Variants in PLCB1 observed in about 807,000 individuals in gnomAD.
PLCB1 encodes phospholipase C beta 1, also known as 1-phosphatidylinositol 4,5-bisphosphate phosphodiesterase beta-1.
Under a neutral mutation model 161.8 loss-of-function variants are expected in PLCB1, and 46 were observed. The observed-to-expected ratio is 0.28, with a 90% CI of 0.22 to 0.36. The LOEUF is 0.36. Ranked by LOEUF, PLCB1 falls within the 10% of genes least tolerant of loss-of-function variation. The pLI, the probability that PLCB1 is intolerant of heterozygous loss-of-function variation, is 1.00. For synonymous variants in PLCB1, 517 were observed against 503.7 expected (o/e 1.03, Z -0.35); for missense variants, 1,016 against 1,472.5 (o/e 0.69, Z 5.07).
At chr20:8,601,891 GT>G (rs1482772955) in intron 3 of PLCB1, among the ~76,000 whole-genome samples, 4 of 152,198 alleles carry the variant, frequency 2.6e-5, no homozygotes, top group Admixed American at 6.5e-5. Context: ...GACCAGGCTT[GT>G]TCTGGAAGTG....
chr20:8,618,078 T>C (rs908162969), intron 3 of PLCB1, among the ~76,000 whole-genome samples: 2 of 152,196 alleles, frequency 1.3e-5, no homozygotes, highest in African/African-American at 2.4e-5. Context: ...CTTAGGAAGA[T>C]GCAAGAACAC....
At chr20:8,371,073 G>A (rs940363528) in intron 2 of PLCB1, 2 of 280,294 alleles carry the variant, frequency 7.1e-6, no homozygotes, top group African/African-American at 4.4e-5. Context: ...GTGACTCCCA[G>A]GATTATATTC....
chr20:8,577,058 T>G (rs1202513092), intron 3 of PLCB1, among the ~76,000 whole-genome samples: 1 of 152,132 alleles, frequency 6.6e-6, no homozygotes, highest in Non-Finnish European at 1.5e-5. Flanking sequence ...AATGTGAGTT[T>G]GACGACAAGT....
At chr20:8,544,028 G>T (rs535069106) in intron 3 of PLCB1, among the ~76,000 whole-genome samples, 1 of 152,112 alleles carries the variant, frequency 6.6e-6, no homozygotes, top group African/African-American at 2.4e-5. Context: ...AACTTAAATT[G>T]TGTAAAAGAA....
At chr20:8,543,747 A>G (rs986135309) in intron 3 of PLCB1, among the ~76,000 whole-genome samples, 1 of 151,976 alleles carries the variant, frequency 6.6e-6, no homozygotes, top group Non-Finnish European at 1.5e-5. Context: ...TGGTGATTAG[A>G]TTATGGGGGC....
At chr20:8,213,649 A>G (rs1978951691) in intron 2 of PLCB1, among the ~76,000 whole-genome samples, 2 of 152,044 alleles carry the variant, frequency 1.3e-5, no homozygotes, top group Non-Finnish European at 2.9e-5. Flanking sequence ...CCAATGAAGA[A>G]TTTAAGCAAG....
chr20:8,681,119 T>TATATATATATATATATATATAA lies in PLCB1; in HGVS notation c.863-3812_863-3811insTATATATATATATATATATAAA, dbSNP rs1485697576. The stretch of plus-strand genomic sequence containing the variant: ...ATATATATATATATATATATATATA[T>TATATATATATATATATATATAA]AATATATATAAAATCAGTGTCTCAT... On this transcript the variant is annotated intron_variant, in intron 9 of 31. Coordinates refer to ENST00000338037, the MANE Select transcript of PLCB1 (RefSeq NM_015192.4). Among the ~76,000 whole-genome samples, 70 of 81,994 alleles carry TATATATATATATATATATATAA rather than the reference T, an allele frequency of 8.5e-4. 1 individual carries two copies. Among genetic ancestry groups the TATATATATATATATATATATAA allele is most frequent in the South Asian group, 2.0e-3 (5 of 2,560 alleles). The allele number at this position is 81,994 out of a possible 152,430, so 53.8% of individuals were successfully genotyped here. A position where few individuals can be genotyped will look rare whatever the true frequency, so the allele number is the denominator to read the frequency against.
chr20:8,402,911 T>G (rs1978627046), intron 3 of PLCB1, among the ~76,000 whole-genome samples: 1 of 152,178 alleles, frequency 6.6e-6, no homozygotes, highest in Non-Finnish European at 1.5e-5. Context: ...TCATACTCTC[T>G]GTAACAATTA....
chr20:8,844,196 G>T (rs900282841), intron 31 of PLCB1, among the ~76,000 whole-genome samples: 3 of 152,184 alleles, frequency 2.0e-5, no homozygotes, highest in African/African-American at 7.2e-5. Flanking sequence ...AGGAGAAAAC[G>T]TCAGCTCTCA....
At chr20:8,846,506 G>A (rs34784433) in intron 31 of PLCB1, among the ~76,000 whole-genome samples, 18,597 of 152,002 alleles carry the variant, frequency 0.12, 1,395 homozygotes, top group South Asian at 0.23. Flanking sequence ...TAATAGAGTA[G>A]GTCTAGGTGC....
At chr20:8,628,560 C>G in intron 4 of PLCB1, 129 bp downstream of exon 4, 1 of 884,332 alleles carries the variant, frequency 1.1e-6, no homozygotes, top group Non-Finnish European at 1.8e-6. Flanking sequence ...AAAAATAATT[C>G]AGCTGCCAAG....
At chr20:8,872,893 C>T (rs1006575089) in intron 31 of PLCB1, among the ~76,000 whole-genome samples, 5 of 152,124 alleles carry the variant, frequency 3.3e-5, no homozygotes, top group Admixed American at 1.3e-4. Flanking sequence ...TCTCCTCGCC[C>T]CGCAAAATGG....
intron 16 of PLCB1, among the ~76,000 whole-genome samples, chr20:8,725,625 T>C (rs982229478): frequency 6.6e-6 from 1 of 152,200 alleles, no homozygotes; most frequent in African/African-American, 2.4e-5. Flanking sequence ...AGTTTATATA[T>C]AATGATTTCT....
intron 3 of PLCB1, among the ~76,000 whole-genome samples, chr20:8,617,584 G>C (rs1199115841): frequency 6.6e-6 from 1 of 151,758 alleles, no homozygotes; most frequent in Non-Finnish European, 1.5e-5. Flanking sequence ...TGGGTTTTTT[G>C]GTTTTGTTAT....
At chr20:8,869,045 T>G (rs1390134945) in intron 31 of PLCB1, among the ~76,000 whole-genome samples, 1 of 152,244 alleles carries the variant, frequency 6.6e-6, no homozygotes, top group African/African-American at 2.4e-5. Context: ...ATGTGCTGAA[T>G]GTTTATTCTC....
chr20:8,776,930 A>G (rs76392363), intron 27 of PLCB1, among the ~76,000 whole-genome samples: 1,545 of 152,248 alleles, frequency 0.01, 6 homozygotes, highest in Middle Eastern at 0.034. Flanking sequence ...GGCGATTTTA[A>G]ATAGAGTAGG....
intron 2 of PLCB1, among the ~76,000 whole-genome samples, chr20:8,233,783 A>G (rs1980186878): frequency 6.6e-6 from 1 of 152,088 alleles, no homozygotes; most frequent in Non-Finnish European, 1.5e-5. Flanking sequence ...TTCTGGCTTT[A>G]ACAGCATAGA....
intron 2 of PLCB1, among the ~76,000 whole-genome samples, chr20:8,265,216 G>T (rs1981896477): frequency 6.6e-6 from 1 of 152,110 alleles, no homozygotes; most frequent in Non-Finnish European, 1.5e-5. Flanking sequence ...CATAAAATGG[G>T]AACAGCAGTG....
intron 23 of PLCB1, among the ~76,000 whole-genome samples, chr20:8,741,876 G>A (rs1412822767): frequency 1.3e-5 from 2 of 152,206 alleles, no homozygotes; most frequent in Non-Finnish European, 2.9e-5. Context: ...TAAAGGTGAT[G>A]AACGCATTTA....
Sources: gnomAD v4.1 joint callset for allele counts (sites outside exome capture counted in the v4.1 genomes callset) on GRCh38, gnomAD v4.1.1 for gene constraint, MANE v1.5 for transcripts, NCBI Gene and HGNC (gene_info 2026-07-23, HGNC 2026-07-21) for gene names.